The following PPFIBP2 variants were observed in gnomAD, a reference collection of about 807,000 sequenced individuals.
The protein encoded by PPFIBP2 is PPFIB scaffold protein 2.
Under a neutral mutation model 118.3 loss-of-function variants are expected in PPFIBP2, and 118 were observed. The observed-to-expected ratio is 1.00, with a 90% confidence interval of 0.86 to 1.16. The LOEUF (loss-of-function observed/expected upper bound fraction) is 1.16. Among genes scored for constraint, PPFIBP2 ranks in the 50% most tolerant of loss-of-function variants. The pLI, the probability that PPFIBP2 is intolerant of heterozygous loss-of-function variation, is 0.00. For synonymous variants in PPFIBP2, 414 were observed against 397.4 expected, an observed-to-expected ratio of 1.04 and a Z score of -0.50; for missense variants, 1,195 against 1,073.1, an observed-to-expected ratio of 1.11 and a Z score of -1.59.
At chr11:7,583,094 T>C (rs544797992) in intron 3 of PPFIBP2, among the ~76,000 whole-genome samples, 1 of 152,344 alleles carries the variant, frequency 6.6e-6, no homozygotes, top group Admixed American at 6.5e-5. Context: ...TCATCTCTAC[T>C]CCCTCCTGGT....
rs1276713296 is a variant in PPFIBP2 at position 7,616,350 on chromosome 11, G to A, written c.619-4585G>A. ...CATTTCCTTCTTGATTTTCAAAATGGCAAAAGTTTGATAGATTCAGTAAAT... is the reference window on the plus strand; with the variant it reads ...CATTTCCTTCTTGATTTTCAAAATGACAAAAGTTTGATAGATTCAGTAAAT... On this transcript the variant is annotated intron_variant, in intron 6 of 23. Coordinates refer to ENST00000299492, the MANE Select transcript of PPFIBP2 (RefSeq NM_003621.5). The surrounding 1 kb of genome is among the most constrained non-coding windows in gnomAD (Gnocchi z 5.2). Among the ~76,000 whole-genome samples the A allele has an allele frequency of 6.6e-6, 1 of 152,172 alleles. No individual in the cohort carries two copies. Among genetic ancestry groups the A allele is most frequent in the Non-Finnish European group, 1.5e-5 (1 of 68,028 alleles).
the PPFIBP2 span, chr11:7,666,469 G>C: frequency 1.9e-6 from 3 of 1,612,498 alleles, no homozygotes; most frequent in East Asian, 6.7e-5. Context: ...GGCCTGTCCA[G>C]GGTGTACCAC....
Position 7,648,929 on chromosome 11 carries a change from T to A in PPFIBP2, c.1909+18T>A, listed in dbSNP as rs4421737. ...GGTGACAAGTAAGGATAGGCATATATGTATTAAGAATGTCTCTGGCAGCAA... is the reference window on the plus strand; with the variant it reads ...GGTGACAAGTAAGGATAGGCATATAAGTATTAAGAATGTCTCTGGCAGCAA... On this transcript the variant is annotated intron_variant, in intron 19 of 23. Coordinates refer to ENST00000299492, the MANE Select transcript of PPFIBP2 (RefSeq NM_003621.5). The A allele has an allele frequency of 1.3e-6, 2 of 1,595,366 alleles. No homozygotes were observed. The highest frequency in any genetic ancestry group is 2.2e-5 in the South Asian group (2 of 90,640).
At position 7,596,389 on chromosome 11, in the gene PPFIBP2, G is replaced by GTT. The variant is rs58915783; in HGVS notation, c.373-1155_373-1154dup. ...AAGTTGATAGAAAGAGCCCGTTCTT[G>GTT]TTTTTTTTTTTTTTTTTAACATTTT... is the stretch of plus-strand genomic sequence containing the variant. On this transcript the variant is annotated intron_variant, in intron 4 of 23. Coordinates refer to ENST00000299492, the MANE Select transcript of PPFIBP2 (RefSeq NM_003621.5). Among the ~76,000 whole-genome samples, 763 of 139,210 alleles carry GTT rather than the reference G, an allele frequency of 5.5e-3. 7 individuals carry two copies. Among genetic ancestry groups the GTT allele is most frequent in the African/African-American group, 0.019 (719 of 38,184 alleles). 91.3% of individuals were successfully genotyped at this position (139,210 alleles called of 152,430 possible).
chr11:7,653,238 C>G lies in PPFIBP2; in HGVS notation c.*20C>G, dbSNP rs1443460833. ...AGCTGATGCCCTTGTCACCTGCCCT[C>G]TGTGCACCCTGAGAGCTCACAGTAA... On this transcript the variant is annotated 3_prime_UTR_variant, in exon 24 of 24. Coordinates refer to ENST00000299492, the MANE Select transcript of PPFIBP2 (RefSeq NM_003621.5). The G allele has an allele frequency of 6.2e-7, 1 of 1,613,632 alleles. No individual in the cohort carries two copies. The highest frequency in any genetic ancestry group is 2.2e-5 in the East Asian group (1 of 44,888).
intron 6 of PPFIBP2, among the ~76,000 whole-genome samples, chr11:7,618,898 T>C (rs2135587139): frequency 6.6e-6 from 1 of 151,402 alleles, no homozygotes; most frequent in African/African-American, 2.4e-5. Flanking sequence ...TTTTTTTTTT[T>C]TTTTTTGTCT....
chr11:7,642,512 CT>C (rs1852349048), intron 17 of PPFIBP2, 86 bp downstream of exon 17: 1 of 1,448,356 alleles, frequency 6.9e-7, no homozygotes, highest in Non-Finnish European at 9.2e-7. Context: ...ATCTTTACTC[CT>C]GTGTTTTGCG....
chr11:7,520,373 C>T (rs951733058), intron 1 of PPFIBP2, among the ~76,000 whole-genome samples: 4 of 152,146 alleles, frequency 2.6e-5, no homozygotes, highest in South Asian at 2.1e-4. Flanking sequence ...GTTTTGCCGA[C>T]GCACGCTGCT....
At chr11:7,593,037 C>T in intron 3 of PPFIBP2, 95 bp from the exon 4 acceptor site, 2 of 1,504,334 alleles carry the variant, frequency 1.3e-6, no homozygotes, top group Middle Eastern at 3.5e-4. Flanking sequence ...GTGAAACTAT[C>T]CTCACAAATT....
chr11:7,666,579 C>T, the PPFIBP2 span: 1 of 1,531,538 alleles, frequency 6.5e-7, no homozygotes, highest in South Asian at 1.1e-5. Context: ...TGAAAAAGCC[C>T]CTCCAGGGCC....
intron 1 of PPFIBP2, among the ~76,000 whole-genome samples, chr11:7,526,550 G>A (rs990180726): frequency 6.6e-6 from 1 of 152,150 alleles, no homozygotes; most frequent in Non-Finnish European, 1.5e-5. Flanking sequence ...AGTGAGGGTG[G>A]GAGGCTGGGG....
intron 1 of PPFIBP2, among the ~76,000 whole-genome samples, chr11:7,526,262 G>T (rs1459587277): frequency 2.0e-5 from 3 of 152,228 alleles, no homozygotes; most frequent in Non-Finnish European, 2.9e-5. Flanking sequence ...ACTGGGGTGG[G>T]ATCCTGGGGA....
chr11:7,651,908 C>T, intron 23 of PPFIBP2, 64 bp downstream of exon 23: 2 of 1,447,490 alleles, frequency 1.4e-6, no homozygotes, highest in South Asian at 2.6e-5. Context: ...CAGCACAGCA[C>T]CTGGCGCGAT....
Position 7,630,931 on chromosome 11 carries a change from C to G in PPFIBP2, c.971C>G (p.Ser324Trp), listed in dbSNP as rs201945661. 3.7e-6 allele frequency: 6 copies of G among 1,613,400 alleles called. No individual in the cohort carries two copies. Among genetic ancestry groups the G allele is most frequent in the East Asian group, 2.2e-5 (1 of 44,878 alleles). Residue 324 changes from serine (S) to tryptophan (W), a missense_variant, in exon 11 of 24, where the codon TCG becomes TGG. Transcript: ENST00000299492. ...ACTACCTTAATGCTTGCAGGGCCTT[C>G]GGAGAGAACTCTCTCAATCAATGAA... ...KEIVMVTQGP[S>W]ERTLSINEEE...
intron 3 of PPFIBP2, among the ~76,000 whole-genome samples, chr11:7,575,952 C>G (rs1856264374): frequency 1.3e-5 from 2 of 152,210 alleles, no homozygotes; most frequent in Admixed American, 1.3e-4. Flanking sequence ...CAGGAATTTA[C>G]TCCTCCCCTT....
In PPFIBP2 at chr11:7,651,022, CTTAT is replaced by C. The variant is rs947872002; in HGVS notation, c.2247+63_2247+66del. On this transcript the variant is annotated intron_variant, in intron 22 of 23. Transcript: ENST00000299492. Reference sequence around the variant, plus strand: ...TTGGTGCAAATGGGATATTCAGAAACTTATTTATTAAGGACAAGGCACAAAAGCT... The same window carrying C: ...TTGGTGCAAATGGGATATTCAGAAACTTATTAAGGACAAGGCACAAAAGCT... The C allele has an allele frequency of 6.3e-5, 98 of 1,565,258 alleles. 1 individual carries two copies. The South Asian group carries it at 9.3e-4, about 15-fold the overall frequency.
At chr11:7,649,690 G>A (rs758339883) in intron 21 of PPFIBP2, 36 bp downstream of exon 21, 1 of 1,612,190 alleles carries the variant, frequency 6.2e-7, no homozygotes, top group South Asian at 1.1e-5. Flanking sequence ...AGGTAGCCCT[G>A]AGCCAGGACC....
At chr11:7,634,609 A>G in intron 13 of PPFIBP2, 57 bp downstream of exon 13, 1 of 1,367,974 alleles carries the variant, frequency 7.3e-7, no homozygotes, top group Admixed American at 1.7e-5. Flanking sequence ...GGCCTAGCAT[A>G]GTACTGGGAT....
chr11:7,663,994 C>A, the PPFIBP2 span, among the ~76,000 whole-genome samples: 4 of 152,206 alleles, frequency 2.6e-5, no homozygotes, highest in African/African-American at 7.2e-5. Context: ...CAATGCCTTG[C>A]CCTGCTTCGG....
Sources: allele counts gnomAD v4.1 joint callset (sites outside exome capture counted in the v4.1 genomes callset), GRCh38; gene constraint gnomAD v4.1.1; non-coding constraint Gnocchi (gnomAD v3.1); transcripts MANE v1.5; gene names NCBI Gene and HGNC (gene_info 2026-07-23, HGNC 2026-07-21).